Variants in BMP6 observed in about 807,000 individuals in gnomAD.
The protein encoded by BMP6 is VG-1-R.
In BMP6, 17 loss-of-function variants were observed where a neutral mutation model predicts 54.1. The ratio of observed to expected loss-of-function variants is 0.31; its 90% CI spans 0.22 to 0.47. The LOEUF is 0.47. Among genes scored for constraint, BMP6 ranks in the 20% least tolerant of loss-of-function variants. BMP6 has a pLI of 1.00. For synonymous variants in BMP6, 328 were observed against 291.2 expected, an observed-to-expected ratio of 1.13 and a Z score of -1.28; for missense variants, 720 against 690.4, an observed-to-expected ratio of 1.04 and a Z score of -0.48.
intron 1 of BMP6, among the ~76,000 whole-genome samples, chr6:7,782,898 G>T (rs188323428): frequency 8.5e-5 from 13 of 152,202 alleles, no homozygotes; most frequent in African/African-American, 3.1e-4. Flanking sequence ...AAATACTGCT[G>T]CTGAGATCTC....
At chr6:7,775,343 G>A (rs1039151258) in intron 1 of BMP6, among the ~76,000 whole-genome samples, 2 of 152,204 alleles carry the variant, frequency 1.3e-5, no homozygotes, top group African/African-American at 2.4e-5. Flanking sequence ...GGTAGTGAAT[G>A]TTGAAGGTCA....
At chr6:7,791,298 T>C (rs1758103105) in intron 1 of BMP6, among the ~76,000 whole-genome samples, 1 of 152,204 alleles carries the variant, frequency 6.6e-6, no homozygotes, top group African/African-American at 2.4e-5. Context: ...TCAGTAGACC[T>C]CTGAGTCCCT....
At chr6:7,781,294 T>C (rs1031516078) in intron 1 of BMP6, among the ~76,000 whole-genome samples, 1 of 152,226 alleles carries the variant, frequency 6.6e-6, no homozygotes, top group Non-Finnish European at 1.5e-5. Flanking sequence ...TGTGCTAAAG[T>C]TCACATGGCC....
chr6:7,776,153 C>T (rs1324470129), intron 1 of BMP6, among the ~76,000 whole-genome samples: 1 of 152,160 alleles, frequency 6.6e-6, no homozygotes, highest in Non-Finnish European at 1.5e-5. Context: ...TTCTTAGGGG[C>T]AGTTACCTAA....
intron 1 of BMP6, among the ~76,000 whole-genome samples, chr6:7,815,575 A>G (rs1010872831): frequency 1.1e-4 from 17 of 152,244 alleles, no homozygotes; most frequent in African/African-American, 4.1e-4. Flanking sequence ...GCAAAACCTT[A>G]GTCTTGGTTG....
intron 1 of BMP6, among the ~76,000 whole-genome samples, chr6:7,784,587 G>A (rs902314236): frequency 1.3e-5 from 2 of 152,136 alleles, no homozygotes; most frequent in African/African-American, 4.8e-5. Context: ...TTTTTCCAGA[G>A]TTGCTTTAAA....
chr6:7,852,820 T>C (rs1759166752), intron 2 of BMP6, among the ~76,000 whole-genome samples: 1 of 152,092 alleles, frequency 6.6e-6, no homozygotes, highest in Non-Finnish European at 1.5e-5. Context: ...CAAGTGGAAA[T>C]GTTGGAGTTC....
chr6:7,784,853 A>T (rs1369425285), intron 1 of BMP6, among the ~76,000 whole-genome samples: 2 of 152,226 alleles, frequency 1.3e-5, no homozygotes, highest in East Asian at 3.9e-4. Flanking sequence ...GGGATTGCAC[A>T]GTCACCTCCT....
At chr6:7,793,439 T>C (rs1335139278) in intron 1 of BMP6, among the ~76,000 whole-genome samples, 1 of 152,178 alleles carries the variant, frequency 6.6e-6, no homozygotes, top group East Asian at 1.9e-4. Flanking sequence ...GATACTACAA[T>C]GGTAGATGCA....
chr6:7,766,966 TTA>T (rs1561765270), intron 1 of BMP6, among the ~76,000 whole-genome samples: 2 of 147,308 alleles, frequency 1.4e-5, no homozygotes, highest in Admixed American at 6.9e-5. Flanking sequence ...ATTTATTTAT[TTA>T]TTTTTTTAAA....
chr6:7,809,930 C>T (rs1381963584), intron 1 of BMP6, among the ~76,000 whole-genome samples: 1 of 138,396 alleles, frequency 7.2e-6, no homozygotes, highest in Non-Finnish European at 1.5e-5. Flanking sequence ...ATGCCAAAAT[C>T]TCTTGTACAA....
intron 2 of BMP6, among the ~76,000 whole-genome samples, chr6:7,857,189 C>G (rs1316360790): frequency 6.6e-6 from 1 of 152,214 alleles, no homozygotes; most frequent in Non-Finnish European, 1.5e-5. Context: ...ACCAATTCTA[C>G]TAGTCTTTAT....
intron 1 of BMP6, among the ~76,000 whole-genome samples, chr6:7,841,128 GTTA>G (rs1256839907): frequency 3.3e-5 from 5 of 152,140 alleles, no homozygotes. Context: ...CTTTAGAAAT[GTTA>G]TTATTTCAAT....
chr6:7,817,602 A>T (rs897292529), intron 1 of BMP6, among the ~76,000 whole-genome samples: 1 of 151,682 alleles, frequency 6.6e-6, no homozygotes, highest in Admixed American at 6.6e-5. Context: ...GAGGGATAGC[A>T]TTAGGAGATA....
chr6:7,822,572 G>A (rs539227557), intron 1 of BMP6, among the ~76,000 whole-genome samples: 1 of 152,242 alleles, frequency 6.6e-6, no homozygotes, highest in South Asian at 2.1e-4. Context: ...CTGGGAGCGT[G>A]TGTACAAATA....
intron 4 of BMP6, among the ~76,000 whole-genome samples, chr6:7,868,905 T>C (rs571416335): frequency 6.6e-6 from 1 of 151,844 alleles, no homozygotes; most frequent in Non-Finnish European, 1.5e-5. Flanking sequence ...TCTCCCTCCT[T>C]CTCACCTGCT....
At chr6:7,763,331 C>G (rs1055294701) in intron 1 of BMP6, among the ~76,000 whole-genome samples, 1 of 152,110 alleles carries the variant, frequency 6.6e-6, no homozygotes, top group African/African-American at 2.4e-5. Context: ...TGGTAAAATT[C>G]TGTGTTCTTA....
Position 7,845,245 on chromosome 6 carries a change from G to A in BMP6, c.770G>A (p.Arg257His), listed in dbSNP as rs148916269. ...EGEVVTAAEF[R>H]IYKDCVMGSF... The stretch of plus-strand genomic sequence containing the variant: ...GAGGTGGTGACGGCTGCAGAATTCC[G>A]CATCTACAAGGACTGTGTTATGGGG... The change falls in exon 2 of 7, where the codon CGC becomes CAC. Residue 257 changes from arginine to histidine, a missense_variant. Transcript: ENST00000283147. The A allele has an allele frequency of 7.6e-4, 1,227 of 1,614,048 alleles. 7 individuals carry two copies. The African/African-American group carries it at 0.011, about 14-fold the overall frequency.
chr6:7,752,559 G>GTTTTTTT (rs5874110), intron 1 of BMP6, among the ~76,000 whole-genome samples: 1 of 122,452 alleles, frequency 8.2e-6, no homozygotes, highest in Non-Finnish European at 1.7e-5. Context: ...TTCAACATAG[G>GTTTTTTT]TTTTTTTTTT....
Sources: gnomAD v4.1 joint callset for allele counts (sites outside exome capture counted in the v4.1 genomes callset) on GRCh38, gnomAD v4.1.1 for gene constraint, MANE v1.5 for transcripts, NCBI Gene and HGNC (gene_info 2026-07-23, HGNC 2026-07-21) for gene names.